PRKAR1B: variants seen among roughly 807,000 people sequenced by gnomAD.
PRKAR1B encodes the protein cAMP-dependent protein kinase type I-beta regulatory subunit.
PRKAR1B carries 22 observed loss-of-function variants against 46.5 expected under a neutral mutation model. That is an observed-to-expected ratio of 0.47 (90% confidence interval 0.34 to 0.68). The LOEUF (loss-of-function observed/expected upper bound fraction) is 0.68. Among genes scored for constraint, PRKAR1B ranks in the 30% least tolerant of loss-of-function variants. The pLI is 0.01. For missense variants in PRKAR1B, 445 were observed against 535.6 expected, an observed-to-expected ratio of 0.83 and a Z score of 1.67; for synonymous variants, 259 against 217.7, an observed-to-expected ratio of 1.19 and a Z score of -1.67.
At chr7:579,231 C>A in intron 9 of PRKAR1B, 25 bp downstream of exon 9, 1 of 1,613,908 alleles carries the variant, frequency 6.2e-7, no homozygotes. Flanking sequence ...ACACCCAGAG[C>A]GCCCACGTGG....
chr7:581,709 C>T (rs997013135), intron 8 of PRKAR1B, among the ~76,000 whole-genome samples: 1 of 151,914 alleles, frequency 6.6e-6, no homozygotes, highest in Non-Finnish European at 1.5e-5. Context: ...GGAGATGGCA[C>T]TTTTGGCCCC....
intron 9 of PRKAR1B, chr7:578,944 A>G (rs959381732): frequency 3.1e-5 from 32 of 1,017,094 alleles, no homozygotes; most frequent in Non-Finnish European, 4.0e-5. Flanking sequence ...AGCCTCCCAC[A>G]GTGCTGGGAT....
intron 7 of PRKAR1B, among the ~76,000 whole-genome samples, chr7:587,075 CG>C (rs1410618817): frequency 6.6e-6 from 1 of 151,978 alleles, no homozygotes; most frequent in East Asian, 1.9e-4. Context: ...TTAGTAGAAA[CG>C]GGGTTTCACT....
intron 4 of PRKAR1B, among the ~76,000 whole-genome samples, chr7:646,664 C>A (rs1220761183): frequency 6.6e-6 from 1 of 152,234 alleles, no homozygotes; most frequent in African/African-American, 2.4e-5. Flanking sequence ...GCTTCTCCCT[C>A]TGAACCCCTG....
rs530204437 is a variant in PRKAR1B at position 713,418 on chromosome 7, C to G, written c.-22-1891G>C. Among the ~76,000 whole-genome samples the G allele has an allele frequency of 3.9e-3, 593 of 152,174 alleles. 7 individuals carry two copies. The highest frequency in any genetic ancestry group is 0.014 in the African/African-American group (565 of 41,508). ...GCTTCCCTGTTGCCTACTCACCTGT[C>G]TCCCACTATGCTGCCCCATCTTCAC... On this transcript the variant is annotated intron_variant, in intron 1 of 10. Transcript: ENST00000537384.
intron 2 of PRKAR1B, among the ~76,000 whole-genome samples, chr7:706,287 C>A (rs574121274): frequency 1.4e-3 from 209 of 152,136 alleles, no homozygotes; most frequent in Non-Finnish European, 2.5e-3. Flanking sequence ...AATCATACCA[C>A]TGTACTCTAG....
At chr7:627,808 G>C (rs151219016) in intron 4 of PRKAR1B, among the ~76,000 whole-genome samples, 1 of 152,176 alleles carries the variant, frequency 6.6e-6, no homozygotes, top group East Asian at 1.9e-4. Context: ...TCCAGGCCAC[G>C]ACTGCCAGCG....
rs1462766311 is a variant in PRKAR1B, at chr7:665,747, G to A, written c.440+11482C>T. Among the ~76,000 whole-genome samples the A allele has an allele frequency of 3.3e-5, 5 of 152,362 alleles. No homozygotes were observed. In the South Asian group the frequency reaches 6.2e-4, roughly 19 times the overall value. On this transcript the variant is annotated intron_variant, in intron 4 of 10. Coordinates refer to ENST00000537384, the MANE Select transcript of PRKAR1B (RefSeq NM_001164760.2). ...CAAGCCAGAATGGGGAGAGGGGGCCGTGAAGGCTCAGAGAAGCCAGGAGAC... is the reference window on the plus strand; with the variant it reads ...CAAGCCAGAATGGGGAGAGGGGGCCATGAAGGCTCAGAGAAGCCAGGAGAC...
chr7:554,839 G>A (rs1370587067), intron 9 of PRKAR1B, among the ~76,000 whole-genome samples: 2 of 152,038 alleles, frequency 1.3e-5, no homozygotes, highest in African/African-American at 2.4e-5. Flanking sequence ...GAAGACAGGG[G>A]AGGCCACGGA....
In PRKAR1B at chr7:636,302, ACGTCCTC is replaced by A. The variant is rs1784072179; in HGVS notation, c.441-28857_441-28851del. 2.9e-4 allele frequency among the ~76,000 whole-genome samples: 2 copies of A among 6,910 alleles called. 1 individual carries two copies. The highest frequency in any genetic ancestry group is 1.3e-3 in the African/African-American group (2 of 1,548). The allele number at this position is 6,910 out of a possible 152,430, so 4.5% of individuals were successfully genotyped here. A position where few individuals can be genotyped will look rare whatever the true frequency, so the allele number is the denominator to read the frequency against. ...CACGTCCTCCACCGGCCGCGCCCTCACGTCCTCCACCGGCCGCGCCCACACGTCCTCC... is the reference window on the plus strand; with the variant it reads ...CACGTCCTCCACCGGCCGCGCCCTCACACCGGCCGCGCCCACACGTCCTCC... On this transcript the variant is annotated intron_variant, in intron 4 of 10. Coordinates refer to ENST00000537384, the MANE Select transcript of PRKAR1B (RefSeq NM_001164760.2).
At chr7:643,972 C>T (rs1046564697) in intron 4 of PRKAR1B, among the ~76,000 whole-genome samples, 3 of 152,168 alleles carry the variant, frequency 2.0e-5, no homozygotes, top group Non-Finnish European at 2.9e-5. Context: ...AGGGACAAGC[C>T]ATCCACACTG....
At chr7:694,202 A>G (rs1214636639) in intron 2 of PRKAR1B, among the ~76,000 whole-genome samples, 1 of 152,004 alleles carries the variant, frequency 6.6e-6, no homozygotes, top group Non-Finnish European at 1.5e-5. Flanking sequence ...GGAGAATCAC[A>G]TGAACCCGGG....
intron 9 of PRKAR1B, among the ~76,000 whole-genome samples, chr7:561,342 CTG>C (rs1250189541): frequency 6.6e-6 from 1 of 152,226 alleles, no homozygotes; most frequent in Non-Finnish European, 1.5e-5. Flanking sequence ...CCCAGGTGCT[CTG>C]TGATTTCTCC....
intron 1 of PRKAR1B, among the ~76,000 whole-genome samples, chr7:713,691 C>G (rs551130264): frequency 9.9e-5 from 15 of 152,190 alleles, no homozygotes; most frequent in Non-Finnish European, 2.2e-4. Flanking sequence ...ACTCACCTGT[C>G]CAGCTTTCTT....
chr7:708,556 A>G (rs2128526875), intron 2 of PRKAR1B, among the ~76,000 whole-genome samples: 1 of 152,324 alleles, frequency 6.6e-6, no homozygotes, highest in East Asian at 1.9e-4. Context: ...TGTTGCAATC[A>G]GCTCACTGCA....
chr7:624,136 A>T (rs1416289041), intron 4 of PRKAR1B, among the ~76,000 whole-genome samples: 3 of 152,184 alleles, frequency 2.0e-5, no homozygotes, highest in Admixed American at 2.0e-4. Flanking sequence ...CTTTTATCTT[A>T]AAAATATGCA....
intron 8 of PRKAR1B, among the ~76,000 whole-genome samples, chr7:581,713 T>C (rs1159286714): frequency 1.3e-5 from 2 of 152,054 alleles, no homozygotes; most frequent in Non-Finnish European, 2.9e-5. Flanking sequence ...ATGGCACTTT[T>C]GGCCCCATTT....
chr7:603,494 C>T (rs1781767887), intron 6 of PRKAR1B, among the ~76,000 whole-genome samples: 1 of 152,194 alleles, frequency 6.6e-6, no homozygotes, highest in Admixed American at 6.5e-5. Flanking sequence ...CTCCCCCACA[C>T]CAGAGCAGGC....
intron 3 of PRKAR1B, among the ~76,000 whole-genome samples, 197 bp downstream of exon 3, chr7:680,359 C>G (rs576428768): frequency 1.3e-5 from 2 of 152,122 alleles, no homozygotes; most frequent in African/African-American, 4.8e-5. Flanking sequence ...TTGAGCTCAG[C>G]TCATCTGGCA....
Sources: gnomAD v4.1 joint callset for allele counts (sites outside exome capture counted in the v4.1 genomes callset) on GRCh38, gnomAD v4.1.1 for gene constraint, MANE v1.5 for transcripts, NCBI Gene and HGNC (gene_info 2026-07-23, HGNC 2026-07-21) for gene names.